Variants in ZNF804A observed in about 807,000 individuals in gnomAD.
ZNF804A encodes the protein zinc finger protein 804A.
Under a neutral mutation model 16.5 loss-of-function variants are expected in ZNF804A, and 2 were observed. That is an observed-to-expected ratio of 0.12 (90% CI 0.05 to 0.38). ZNF804A has a LOEUF of 0.38. ZNF804A is among the 10% of genes least tolerant of loss of function. The probability of loss-of-function intolerance (pLI) is 0.99; values close to 1 mark genes in which losing one functional copy is unlikely to be tolerated. For synonymous variants in ZNF804A, 534 were observed against 489.6 expected (o/e 1.09, Z -1.20); for missense variants, 1,473 against 1,390.7 (o/e 1.06, Z -0.94).
In ZNF804A at chr2:184,669,675, A is replaced by G. The variant is rs1241623651; in HGVS notation, c.111+70605A>G. Among the ~76,000 whole-genome samples the G allele has an allele frequency of 2.0e-5, 3 of 152,022 alleles. No homozygotes were observed. The East Asian group carries it at 5.8e-4, about 29-fold the overall frequency. On this transcript the variant is annotated intron_variant, in intron 1 of 3. Coordinates refer to ENST00000302277, the MANE Select transcript of ZNF804A (RefSeq NM_194250.2). Reference sequence around the variant, plus strand: ...TATTTTCAAATTTTTATGGCTGAAGAGTTTAAAATTACATCAAATATCATT... The same window carrying G: ...TATTTTCAAATTTTTATGGCTGAAGGGTTTAAAATTACATCAAATATCATT...
At chr2:184,662,201 A>G (rs1047543035) in intron 1 of ZNF804A, among the ~76,000 whole-genome samples, 2 of 152,226 alleles carry the variant, frequency 1.3e-5, no homozygotes, top group Non-Finnish European at 2.9e-5. Context: ...ACATACTGAA[A>G]TAGCAACATT....
intron 1 of ZNF804A, among the ~76,000 whole-genome samples, chr2:184,748,298 T>C (rs1480299117): frequency 6.7e-6 from 1 of 149,310 alleles, no homozygotes; most frequent in African/African-American, 2.5e-5. Context: ...TTTTTTTTTT[T>C]GACTTTTTAA....
intron 1 of ZNF804A, among the ~76,000 whole-genome samples, chr2:184,692,920 GAATA>G (rs777809719): frequency 3.3e-5 from 5 of 152,072 alleles, no homozygotes; most frequent in Non-Finnish European, 7.4e-5. Flanking sequence ...TCTATAAAAT[GAATA>G]GTTTAATAAT....
Position 184,938,080 on chromosome 2 carries a change from C to T in ZNF804A, c.2684C>T (p.Thr895Ile). 1 of 1,614,106 alleles carries T rather than the reference C, an allele frequency of 6.2e-7. No homozygotes were observed. Among genetic ancestry groups the T allele is most frequent in the Admixed American group, 1.7e-5 (1 of 59,998 alleles). ...CTTCCTTCTGAAACCAATGGTGAAACTGAGCATTTAGAAATGGAGACCACT... is the reference window on the plus strand; with the variant it reads ...CTTCCTTCTGAAACCAATGGTGAAATTGAGCATTTAGAAATGGAGACCACT... Reference protein sequence around the residue: ...NLLPSETNGETEHLEMETTSG... With the variant: ...NLLPSETNGEIEHLEMETTSG... Residue 895 changes from threonine to isoleucine, a missense_variant, in exon 4 of 4, where the codon ACT (threonine) becomes ATT (isoleucine). By Grantham distance (89) the Thr-to-Ile change is moderately conservative. Coordinates refer to ENST00000302277, the MANE Select transcript of ZNF804A (RefSeq NM_194250.2).
chr2:184,933,636 C>T lies in ZNF804A; in HGVS notation c.289C>T (p.Arg97Ter), dbSNP rs769049392. Residue 97 changes from arginine to a stop codon, truncating the protein, a stop_gained, in exon 3 of 4, where the codon CGA becomes TGA. Transcript: ENST00000302277. LOFTEE classifies it high-confidence loss of function. ...GGAACTGAAACAAAGGGAATTTGCT[C>T]GAAATGTAGCATCTAAATCCAGGAA... ...LKELKQREFA[R>*]NVASKSRKDE... The T allele has an allele frequency of 1.2e-6, 2 of 1,605,086 alleles. No homozygotes were observed. The highest frequency in any genetic ancestry group is 1.7e-5 in the Admixed American group (1 of 57,908).
intron 1 of ZNF804A, among the ~76,000 whole-genome samples, chr2:184,841,987 G>T (rs1254086256): frequency 6.6e-6 from 1 of 152,070 alleles, no homozygotes; most frequent in African/African-American, 2.4e-5. Flanking sequence ...TTGTCTGAGG[G>T]TTAATATTGT....
intron 2 of ZNF804A, among the ~76,000 whole-genome samples, chr2:184,893,807 C>T (rs1685022492): frequency 6.6e-6 from 1 of 152,154 alleles, no homozygotes; most frequent in African/African-American, 2.4e-5. Flanking sequence ...TTGATATATA[C>T]TGAACTTTTT....
At chr2:184,908,916 A>C (rs2105830755) in intron 2 of ZNF804A, among the ~76,000 whole-genome samples, 1 of 152,238 alleles carries the variant, frequency 6.6e-6, no homozygotes, top group African/African-American at 2.4e-5. Context: ...CTAAAAATAA[A>C]GGTAAAAAGC....
intron 1 of ZNF804A, among the ~76,000 whole-genome samples, chr2:184,734,846 T>C (rs1693583032): frequency 6.6e-6 from 1 of 152,154 alleles, no homozygotes; most frequent in Non-Finnish European, 1.5e-5. Context: ...TGATGGTTTG[T>C]TGTTAGGTGC....
intron 1 of ZNF804A, among the ~76,000 whole-genome samples, chr2:184,830,127 C>T (rs960086218): frequency 3.3e-5 from 5 of 151,522 alleles, no homozygotes; most frequent in African/African-American, 1.2e-4. Flanking sequence ...CACACACACA[C>T]ACACACACAC....
chr2:184,783,149 T>TTG (rs1471519404), intron 1 of ZNF804A, among the ~76,000 whole-genome samples: 17 of 143,182 alleles, frequency 1.2e-4, no homozygotes, highest in Non-Finnish European at 2.2e-4. Context: ...TTTTTTTTTT[T>TTG]TTTTTTTTTT....
intron 1 of ZNF804A, among the ~76,000 whole-genome samples, chr2:184,684,233 C>T (rs906158975): frequency 3.4e-4 from 51 of 152,232 alleles, no homozygotes; most frequent in African/African-American, 1.2e-3. Flanking sequence ...TACATAAACA[C>T]GGACATTTAA....
At chr2:184,693,745 A>T (rs1692772598) in intron 1 of ZNF804A, among the ~76,000 whole-genome samples, 1 of 151,812 alleles carries the variant, frequency 6.6e-6, no homozygotes, top group African/African-American at 2.4e-5. Context: ...TACCCTCTTG[A>T]TAAATTATTT....
At position 184,869,784 on chromosome 2, in the gene ZNF804A, C is replaced by T. The variant is rs577867872; in HGVS notation, c.255+3272C>T. On this transcript the variant is annotated intron_variant, in intron 2 of 3. Coordinates refer to ENST00000302277, the MANE Select transcript of ZNF804A (RefSeq NM_194250.2). ...TGGACCTAAGAGCTGTTGTGAATGC[C>T]TCATATATCTTTGCAAATCTGTTAT... is the stretch of plus-strand genomic sequence containing the variant. 3.3e-5 allele frequency among the ~76,000 whole-genome samples: 5 copies of T among 152,036 alleles called. No homozygotes were observed. In the East Asian group the frequency reaches 5.8e-4, roughly 18 times the overall value.
At chr2:184,933,536 A>G (rs1367745853) in intron 2 of ZNF804A, 67 bp from the exon 3 acceptor site, 2 of 1,459,172 alleles carry the variant, frequency 1.4e-6, no homozygotes, top group African/African-American at 1.4e-5. Flanking sequence ...TTCAACAATA[A>G]CAATGAAACT....
At chr2:184,924,005 TG>T (rs1195816861) in intron 2 of ZNF804A, among the ~76,000 whole-genome samples, 2 of 89,060 alleles carry the variant, frequency 2.2e-5, no homozygotes, top group East Asian at 1.1e-3. Context: ...CATGTAGTTT[TG>T]TTTTGTGTGT....
At chr2:184,627,817 G>T (rs1011321187) in intron 1 of ZNF804A, among the ~76,000 whole-genome samples, 1 of 152,258 alleles carries the variant, frequency 6.6e-6, no homozygotes, top group Non-Finnish European at 1.5e-5. Context: ...AAGAATCGAA[G>T]TCTTGAGAAC....
At chr2:184,747,611 AC>A (rs758091957) in intron 1 of ZNF804A, among the ~76,000 whole-genome samples, 3 of 151,280 alleles carry the variant, frequency 2.0e-5, no homozygotes, top group African/African-American at 7.2e-5. Flanking sequence ...TATTTTAAGC[AC>A]AAAATATTTT....
At chr2:184,607,883 G>A (rs894329974) in intron 1 of ZNF804A, among the ~76,000 whole-genome samples, 2 of 146,310 alleles carry the variant, frequency 1.4e-5, no homozygotes, top group Admixed American at 1.4e-4. Context: ...TGGGAACATT[G>A]GTATTTGTTG....
Sources: allele counts gnomAD v4.1 joint callset (sites outside exome capture counted in the v4.1 genomes callset), GRCh38; gene constraint gnomAD v4.1.1; transcripts MANE v1.5; gene names NCBI Gene and HGNC (gene_info 2026-07-23, HGNC 2026-07-21).